Variants in METTL16 observed in about 807,000 individuals in gnomAD.
METTL16 encodes the protein methyltransferase 16, RNA N6-adenosine, also known as RNA N(6)-adenosine-methyltransferase METTL16.
METTL16 carries 19 observed loss-of-function variants against 57.9 expected under a neutral mutation model. The ratio of observed to expected loss-of-function variants is 0.33; its 90% CI spans 0.23 to 0.48. The LOEUF (loss-of-function observed/expected upper bound fraction) is 0.48, where lower values mean the gene tolerates loss of function less well. Ranked by LOEUF, METTL16 falls within the 20% of genes least tolerant of loss-of-function variation. The probability of loss-of-function intolerance (pLI) is 0.99; values close to 1 mark genes in which losing one functional copy is unlikely to be tolerated. For synonymous variants in METTL16, 246 were observed against 255.6 expected (o/e 0.96, Z 0.36); for missense variants, 434 against 691.5 (o/e 0.63, Z 4.18).
At chr17:2,486,321 G>C (rs955720896) in intron 2 of METTL16, among the ~76,000 whole-genome samples, 2 of 151,772 alleles carry the variant, frequency 1.3e-5, no homozygotes, top group Non-Finnish European at 2.9e-5. Context: ...ACCCAGGCTG[G>C]AGTGCAATGG....
At chr17:2,422,323 G>A (rs1228114687) in intron 8 of METTL16, among the ~76,000 whole-genome samples, 3 of 133,074 alleles carry the variant, frequency 2.3e-5, no homozygotes, top group African/African-American at 1.0e-4. Flanking sequence ...CAACAAGAGT[G>A]AAACTCCGTT....
Position 2,419,895 on chromosome 17 carries a change from G to T in METTL16, c.*75C>A. On this transcript the variant is annotated 3_prime_UTR_variant, in exon 10 of 10. Coordinates refer to ENST00000263092, the MANE Select transcript of METTL16 (RefSeq NM_024086.4). Reference sequence around the variant, plus strand: ...TCGTGCTACTAATGGGCCGCTGGTAGGATTCCTCTTGCCACCCCACAGGCC... The same window carrying T: ...TCGTGCTACTAATGGGCCGCTGGTATGATTCCTCTTGCCACCCCACAGGCC... The T allele has an allele frequency of 6.5e-7, 1 of 1,545,034 alleles. No homozygotes were observed. Among genetic ancestry groups the T allele is most frequent in the Non-Finnish European group, 8.8e-7 (1 of 1,130,582 alleles).
chr17:2,423,261 G>GGGGTGTGTGTGTGT (rs1178930575), intron 8 of METTL16, among the ~76,000 whole-genome samples: 6 of 143,602 alleles, frequency 4.2e-5, no homozygotes, highest in South Asian at 2.3e-4. Flanking sequence ...AAAAACAAAG[G>GGGGTGTGTGTGTGT]GTGTGTGTGT....
chr17:2,458,598 G>C (rs544445631), intron 6 of METTL16, among the ~76,000 whole-genome samples: 12 of 152,072 alleles, frequency 7.9e-5, no homozygotes, highest in African/African-American at 2.9e-4. Flanking sequence ...TGAAATCCCA[G>C]CAACTAGGGA....
chr17:2,447,190 G>C (rs1269852346), intron 6 of METTL16, among the ~76,000 whole-genome samples: 3 of 146,618 alleles, frequency 2.0e-5, no homozygotes, highest in Admixed American at 1.3e-4. Flanking sequence ...GTCTCTGCCC[G>C]GCCGCCCATC....
At position 2,473,520 on chromosome 17, in the gene METTL16, T is replaced by C. The variant is rs1294730729; in HGVS notation, c.469+4A>G. ...TTTGGAGGCATTCATTCTGTGGCGC[T>C]AACCTTTTATGAGATCAGATAAGTT... On this transcript the variant is annotated splice_donor_region_variant and intron_variant, in intron 4 of 9. Transcript: ENST00000263092. 1 of 1,609,054 alleles carries C rather than the reference T, an allele frequency of 6.2e-7. No homozygotes were observed. Among genetic ancestry groups the C allele is most frequent in the Non-Finnish European group, 8.5e-7 (1 of 1,178,270 alleles).
intron 2 of METTL16, among the ~76,000 whole-genome samples, chr17:2,480,680 T>C (rs889191510): frequency 2.0e-5 from 3 of 152,188 alleles, no homozygotes; most frequent in Non-Finnish European, 4.4e-5. Context: ...AAATCAGAAG[T>C]ACACTAGACC....
intron 2 of METTL16, among the ~76,000 whole-genome samples, 196 bp from the exon 3 acceptor site, chr17:2,478,081 C>T (rs1481383889): frequency 1.3e-5 from 2 of 152,190 alleles, no homozygotes; most frequent in African/African-American, 2.4e-5. Flanking sequence ...CAGTACAATC[C>T]TCCACCAAAA....
Position 2,420,647 on chromosome 17 carries a change from C to T in METTL16, c.1063-51G>A. 6.4e-7 allele frequency: 1 copy of T among 1,566,180 alleles called. No individual in the cohort carries two copies. On this transcript the variant is annotated intron_variant, in intron 9 of 9. Transcript: ENST00000263092. The surrounding 1 kb of genome is among the most constrained non-coding windows in gnomAD (Gnocchi z 5.4). ...GTGGGAAATCACGTTTCCCCTCTCTCCAAACTCTCAATAAAAAAAAAAAGA... is the reference window on the plus strand; with the variant it reads ...GTGGGAAATCACGTTTCCCCTCTCTTCAAACTCTCAATAAAAAAAAAAAGA...
chr17:2,450,128 T>C (rs977076820), intron 6 of METTL16, among the ~76,000 whole-genome samples: 1 of 152,212 alleles, frequency 6.6e-6, no homozygotes, highest in Non-Finnish European at 1.5e-5. Flanking sequence ...CTCAGGTATT[T>C]ACTTAAGATG....
intron 6 of METTL16, among the ~76,000 whole-genome samples, chr17:2,443,904 G>A (rs2066972980): frequency 6.6e-6 from 1 of 152,162 alleles, no homozygotes; most frequent in Admixed American, 6.5e-5. Context: ...GGAAGATGTT[G>A]GTGGGAGGGC....
intron 5 of METTL16, among the ~76,000 whole-genome samples, chr17:2,467,020 G>C (rs1391971788): frequency 1.3e-5 from 2 of 151,890 alleles, no homozygotes; most frequent in Middle Eastern, 3.2e-3. Flanking sequence ...TGCCCAGGCT[G>C]GTTTTGAACT....
chr17:2,483,724 A>T (rs958512225), intron 2 of METTL16, among the ~76,000 whole-genome samples: 4 of 152,218 alleles, frequency 2.6e-5, no homozygotes, highest in African/African-American at 9.6e-5. Context: ...GATCAACAAG[A>T]TAAATGATGA....
rs146415613 is a variant in METTL16, at chr17:2,430,708, G to A, written c.888+7401C>T. Among the ~76,000 whole-genome samples, 323 of 151,968 alleles carry A rather than the reference G, an allele frequency of 2.1e-3. 2 individuals carry two copies. Among genetic ancestry groups the A allele is most frequent in the African/African-American group, 7.4e-3 (309 of 41,484 alleles). The stretch of plus-strand genomic sequence containing the variant: ...GCTGGGATTACAGGCGTGAGCCACC[G>A]CGCCCAGCCTAGATATATTTTTAGA... On this transcript the variant is annotated intron_variant, in intron 8 of 9. Coordinates refer to ENST00000263092, the MANE Select transcript of METTL16 (RefSeq NM_024086.4).
intron 2 of METTL16, among the ~76,000 whole-genome samples, chr17:2,483,864 AAAGTCAAGTTT>A (rs2067323876): frequency 6.6e-6 from 1 of 152,256 alleles, no homozygotes; most frequent in Non-Finnish European, 1.5e-5. Flanking sequence ...CATAGGAATG[AAAGTCAAGTTT>A]TACATATGAC....
chr17:2,477,496 C>A (rs974048037), intron 3 of METTL16, 190 bp downstream of exon 3: 2 of 583,164 alleles, frequency 3.4e-6, no homozygotes, highest in Middle Eastern at 4.6e-4. Context: ...TGCCTTTGAG[C>A]AACACATCAG....
intron 6 of METTL16, among the ~76,000 whole-genome samples, chr17:2,460,532 G>T (rs990022963): frequency 1.3e-5 from 2 of 152,086 alleles, no homozygotes; most frequent in East Asian, 1.9e-4. Flanking sequence ...CATTATTATT[G>T]TAGCCTAGTA....
rs980814031 is a variant in METTL16, at chr17:2,500,325, G to A, written c.128+1879C>T. 2.6e-5 allele frequency among the ~76,000 whole-genome samples: 4 copies of A among 151,144 alleles called. No homozygotes were observed. In the East Asian group the frequency reaches 5.8e-4, roughly 22 times the overall value. The stretch of plus-strand genomic sequence containing the variant: ...GGAGTCTCAGTCTGTCACCCAGGTT[G>A]GAGTGCAGTGGCACAATCTCGGCTC... On this transcript the variant is annotated intron_variant, in intron 2 of 9. Coordinates refer to ENST00000263092, the MANE Select transcript of METTL16 (RefSeq NM_024086.4).
At chr17:2,431,859 G>A (rs1252671218) in intron 8 of METTL16, among the ~76,000 whole-genome samples, 1 of 152,082 alleles carries the variant, frequency 6.6e-6, no homozygotes, top group Admixed American at 6.6e-5. Flanking sequence ...AACGGAGCAA[G>A]AGAAATAACA....
Sources: allele counts gnomAD v4.1 joint callset (sites outside exome capture counted in the v4.1 genomes callset), GRCh38; gene constraint gnomAD v4.1.1; non-coding constraint Gnocchi (gnomAD v3.1); transcripts MANE v1.5; gene names NCBI Gene and HGNC (gene_info 2026-07-23, HGNC 2026-07-21).